The following TBCA variants were observed in gnomAD, a reference collection of about 807,000 sequenced individuals.
TBCA encodes the protein tubulin-specific chaperone A.
TBCA carries 6 observed loss-of-function variants against 15.8 expected under a neutral mutation model. The observed-to-expected ratio is 0.38, with a 90% CI of 0.21 to 0.75. The LOEUF is 0.75. TBCA is among the 30% of genes least tolerant of loss of function. The pLI, the probability that TBCA is intolerant of heterozygous loss-of-function variation, is 0.46. For missense variants in TBCA, 90 were observed against 131.2 expected (o/e 0.69, Z 1.53); for synonymous variants, 32 against 42.3 (o/e 0.76, Z 0.94).
chr5:77,712,566 A>T (rs1746303952), intron 1 of TBCA, among the ~76,000 whole-genome samples: 1 of 152,144 alleles, frequency 6.6e-6, no homozygotes. Context: ...ACATATTTAT[A>T]AAAAATTATA....
chr5:77,773,066 T>C (rs1178595615), intron 1 of TBCA, among the ~76,000 whole-genome samples: 1 of 152,196 alleles, frequency 6.6e-6, no homozygotes, highest in Non-Finnish European at 1.5e-5. Flanking sequence ...CACACCCTGA[T>C]AGTTCTGCCA....
intron 3 of TBCA, 127 bp downstream of exon 3, chr5:77,693,139 G>A (rs910389513): frequency 2.2e-5 from 33 of 1,519,488 alleles, no homozygotes; most frequent in African/African-American, 8.4e-5. Flanking sequence ...AAAATATAGC[G>A]GTATAAAGGG....
intron 1 of TBCA, among the ~76,000 whole-genome samples, chr5:77,726,792 T>G (rs896061374): frequency 6.6e-6 from 1 of 152,194 alleles, no homozygotes; most frequent in Non-Finnish European, 1.5e-5. Flanking sequence ...CATCCTGGGC[T>G]GCAAACTCAG....
intron 2 of TBCA, among the ~76,000 whole-genome samples, chr5:77,701,012 G>A (rs143158524): frequency 2.0e-5 from 3 of 152,168 alleles, no homozygotes; most frequent in East Asian, 1.9e-4. Flanking sequence ...CTTAGGCAAC[G>A]ATTTCATAAC....
At chr5:77,772,156 T>A (rs1411706831) in intron 1 of TBCA, among the ~76,000 whole-genome samples, 1 of 151,722 alleles carries the variant, frequency 6.6e-6, no homozygotes, top group African/African-American at 2.4e-5. Flanking sequence ...AATTAAGGTA[T>A]CTTTGAAACT....
intron 2 of TBCA, among the ~76,000 whole-genome samples, chr5:77,696,420 TAAGTC>T (rs1426661852): frequency 1.3e-5 from 2 of 152,058 alleles, no homozygotes; most frequent in African/African-American, 4.8e-5. Context: ...AGAAGAATCT[TAAGTC>T]AAAGAAAAAA....
chr5:77,755,848 T>C (rs1201800016), intron 1 of TBCA, among the ~76,000 whole-genome samples: 1 of 151,358 alleles, frequency 6.6e-6, no homozygotes, highest in African/African-American at 2.4e-5. Context: ...CTACTAAGAA[T>C]ACAAAATTAG....
intron 1 of TBCA, among the ~76,000 whole-genome samples, chr5:77,768,336 A>C (rs905679584): frequency 6.6e-6 from 1 of 152,196 alleles, no homozygotes; most frequent in African/African-American, 2.4e-5. Context: ...AGGTACTTTC[A>C]TTAACCCCAT....
chr5:77,734,975 A>G (rs1163823066), intron 1 of TBCA, among the ~76,000 whole-genome samples: 2 of 152,376 alleles, frequency 1.3e-5, no homozygotes, highest in African/African-American at 2.4e-5. Flanking sequence ...TTCTAACAAT[A>G]AAGTGTTTTT....
At chr5:77,772,725 T>C (rs1012152865) in intron 1 of TBCA, among the ~76,000 whole-genome samples, 5 of 152,278 alleles carry the variant, frequency 3.3e-5, no homozygotes, top group Non-Finnish European at 7.4e-5. Flanking sequence ...GAAAAGTCAT[T>C]TTAAAATGTA....
intron 1 of TBCA, among the ~76,000 whole-genome samples, chr5:77,754,104 C>T (rs1254258474): frequency 2.6e-5 from 4 of 152,146 alleles, no homozygotes; most frequent in Non-Finnish European, 4.4e-5. Context: ...CTTATTAAAA[C>T]TTAGACCATT....
intron 1 of TBCA, among the ~76,000 whole-genome samples, chr5:77,754,453 G>A (rs1426982199): frequency 2.0e-5 from 3 of 152,114 alleles, no homozygotes; most frequent in Non-Finnish European, 4.4e-5. Flanking sequence ...GAAATATTCA[G>A]TATAACTTTA....
chr5:77,765,894 A>G (rs1032475436), intron 1 of TBCA, among the ~76,000 whole-genome samples: 1 of 151,716 alleles, frequency 6.6e-6, no homozygotes, highest in African/African-American at 2.4e-5. Flanking sequence ...AAAAAAAAAA[A>G]AAAAAAGAAA....
Position 77,736,062 on chromosome 5 carries a change from C to T in TBCA, c.54-27715G>A, listed in dbSNP as rs1016594345. 2.1e-4 allele frequency among the ~76,000 whole-genome samples: 32 copies of T among 152,144 alleles called. 1 individual carries two copies. The East Asian group carries it at 5.8e-3, about 28-fold the overall frequency. On this transcript the variant is annotated intron_variant, in intron 1 of 3. Transcript: ENST00000380377. ...AAAAAATCTAGCTGGAGGCCGGGTG[C>T]GGTGGCTCACGCCTGTAATCCCAGC... is the stretch of plus-strand genomic sequence containing the variant.
chr5:77,740,509 C>A (rs1747007422), intron 1 of TBCA, among the ~76,000 whole-genome samples: 1 of 152,100 alleles, frequency 6.6e-6, no homozygotes, highest in African/African-American at 2.4e-5. Context: ...CCAAAGATAA[C>A]TGGGTAGGTG....
chr5:77,767,421 G>C (rs188547581), intron 1 of TBCA, among the ~76,000 whole-genome samples: 63 of 152,324 alleles, frequency 4.1e-4, no homozygotes, highest in African/African-American at 1.5e-3. Context: ...CACTAGAATT[G>C]TAAGAATGTC....
intron 1 of TBCA, among the ~76,000 whole-genome samples, chr5:77,730,795 A>ACT (rs1258764209): frequency 6.6e-6 from 1 of 152,150 alleles, no homozygotes; most frequent in Non-Finnish European, 1.5e-5. Context: ...CAAAATAACA[A>ACT]CTATCCTCTC....
chr5:77,729,250 G>A (rs1277357925), intron 1 of TBCA, among the ~76,000 whole-genome samples: 1 of 151,952 alleles, frequency 6.6e-6, no homozygotes, highest in Non-Finnish European at 1.5e-5. Context: ...GGAGGAAGAG[G>A]TTGCAGTGAG....
chr5:77,708,139 T>G (rs963099614), intron 2 of TBCA, 103 bp downstream of exon 2: 53 of 741,148 alleles, frequency 7.2e-5, no homozygotes, highest in Non-Finnish European at 1.1e-4. Flanking sequence ...AGTAAAGAAG[T>G]AAATAATAAT....
Sources: allele counts gnomAD v4.1 joint callset (sites outside exome capture counted in the v4.1 genomes callset), GRCh38; gene constraint gnomAD v4.1.1; transcripts MANE v1.5; gene names NCBI Gene and HGNC (gene_info 2026-07-23, HGNC 2026-07-21).